Variants in AGBL4 observed in about 807,000 individuals in gnomAD.
AGBL4 encodes the protein AGBL carboxypeptidase 4, also known as cytosolic carboxypeptidase 6.
In AGBL4, 58 loss-of-function variants were observed where a neutral mutation model predicts 66.4. The observed-to-expected ratio is 0.87, with a 90% CI of 0.71 to 1.09. The LOEUF (loss-of-function observed/expected upper bound fraction) is 1.09, where lower values mean the gene tolerates loss of function less well. AGBL4 is among the 50% of genes least tolerant of loss of function. The probability of loss-of-function intolerance (pLI) is 0.00; values close to 1 mark genes in which losing one functional copy is unlikely to be tolerated. For synonymous variants in AGBL4, 234 were observed against 222.9 expected, an observed-to-expected ratio of 1.05 and a Z score of -0.44; for missense variants, 579 against 631.0, an observed-to-expected ratio of 0.92 and a Z score of 0.88.
chr1:49,498,254 C>A (rs1484922546), intron 3 of AGBL4, among the ~76,000 whole-genome samples: 6 of 151,818 alleles, frequency 4.0e-5, no homozygotes. Flanking sequence ...GTTTATCAGA[C>A]CTCACAGTTT....
intron 6 of AGBL4, among the ~76,000 whole-genome samples, chr1:48,725,227 GGTCT>G (rs1486315996): frequency 6.6e-6 from 1 of 152,022 alleles, no homozygotes. Flanking sequence ...TTTTAATGAA[GGTCT>G]TCTAATGACT....
At chr1:49,315,966 A>G (rs1645032748) in intron 3 of AGBL4, among the ~76,000 whole-genome samples, 1 of 152,072 alleles carries the variant, frequency 6.6e-6, no homozygotes, top group African/African-American at 2.4e-5. Context: ...TTAAACACAT[A>G]AAAGAAATTT....
intron 2 of AGBL4, among the ~76,000 whole-genome samples, chr1:49,796,598 T>G (rs929242251): frequency 3.3e-5 from 5 of 151,362 alleles, no homozygotes; most frequent in Non-Finnish European, 7.4e-5. Context: ...TATAATAAAG[T>G]GAAAAGCACA....
At chr1:49,579,578 C>A (rs896873913) in intron 3 of AGBL4, among the ~76,000 whole-genome samples, 1 of 152,166 alleles carries the variant, frequency 6.6e-6, no homozygotes. Flanking sequence ...TGGCTCACTG[C>A]AAGCTCCACC....
chr1:49,647,617 G>C (rs1261499324), intron 3 of AGBL4, among the ~76,000 whole-genome samples: 2 of 152,084 alleles, frequency 1.3e-5, no homozygotes, highest in East Asian at 1.9e-4. Context: ...TCCAGGCAGG[G>C]GGAGGGTGAA....
intron 3 of AGBL4, among the ~76,000 whole-genome samples, chr1:49,336,746 C>T (rs1045545925): frequency 6.6e-6 from 1 of 152,130 alleles, no homozygotes; most frequent in Non-Finnish European, 1.5e-5. Context: ...TTATCATCTT[C>T]TTCTATTAGA....
At chr1:49,395,533 AGTGTGTGT>A (rs149386987) in intron 3 of AGBL4, among the ~76,000 whole-genome samples, 44 of 139,404 alleles carry the variant, frequency 3.2e-4, no homozygotes, top group African/African-American at 8.7e-4. Flanking sequence ...GCCAAACACT[AGTGTGTGT>A]GTGTGTGTGT....
intron 4 of AGBL4, among the ~76,000 whole-genome samples, chr1:49,240,873 C>G (rs2148319490): frequency 6.6e-6 from 1 of 152,024 alleles, no homozygotes; most frequent in Admixed American, 6.6e-5. Flanking sequence ...CATCATCTCC[C>G]TTATCCAGCC....
At chr1:49,084,943 G>A (rs1644877922) in intron 4 of AGBL4, among the ~76,000 whole-genome samples, 1 of 152,044 alleles carries the variant, frequency 6.6e-6, no homozygotes, top group African/African-American at 2.4e-5. Context: ...TACCTACTAT[G>A]AATTTCAAGG....
At chr1:48,686,999 G>A (rs369632881) in intron 6 of AGBL4, among the ~76,000 whole-genome samples, 258 of 151,586 alleles carry the variant, frequency 1.7e-3, no homozygotes, top group African/African-American at 5.9e-3. Context: ...GTCAGTACCA[G>A]GTAATACTTG....
chr1:49,207,198 G>C (rs1453829577), intron 4 of AGBL4, among the ~76,000 whole-genome samples: 1 of 152,070 alleles, frequency 6.6e-6, no homozygotes, highest in Non-Finnish European at 1.5e-5. Context: ...CCTGTCATTG[G>C]AAGTCTATCA....
intron 6 of AGBL4, among the ~76,000 whole-genome samples, chr1:48,728,908 T>C (rs931002253): frequency 3.3e-5 from 5 of 152,196 alleles, no homozygotes; most frequent in African/African-American, 1.2e-4. Flanking sequence ...AAGTAGTGTC[T>C]CACTGCTGTG....
intron 5 of AGBL4, among the ~76,000 whole-genome samples, chr1:48,943,429 T>G (rs937842449): frequency 6.6e-6 from 1 of 152,202 alleles, no homozygotes; most frequent in Non-Finnish European, 1.5e-5. Flanking sequence ...GGTTGAGATC[T>G]TTCAAGACTA....
At chr1:49,542,592 T>C (rs1336807097) in intron 3 of AGBL4, among the ~76,000 whole-genome samples, 2 of 152,180 alleles carry the variant, frequency 1.3e-5, no homozygotes, top group African/African-American at 4.8e-5. Context: ...AAAGCTAATG[T>C]TACTTACTTA....
intron 3 of AGBL4, among the ~76,000 whole-genome samples, chr1:49,271,821 C>G (rs1000298717): frequency 6.6e-6 from 1 of 152,092 alleles, no homozygotes. Flanking sequence ...ATTTGTGGGG[C>G]CTTCTATTTT....
At chr1:49,335,395 T>A (rs1645413428) in intron 3 of AGBL4, among the ~76,000 whole-genome samples, 1 of 152,238 alleles carries the variant, frequency 6.6e-6, no homozygotes, top group African/African-American at 2.4e-5. Context: ...TTTCTGTATA[T>A]AATTCATTCT....
At chr1:48,697,412 C>T in intron 6 of AGBL4, among the ~76,000 whole-genome samples, 1 of 152,162 alleles carries the variant, frequency 6.6e-6, no homozygotes, top group East Asian at 1.9e-4. Context: ...CTCTAGGTCT[C>T]ACTTAATCTA....
At chr1:49,750,645 T>C (rs1386687048) in intron 2 of AGBL4, among the ~76,000 whole-genome samples, 7 of 152,240 alleles carry the variant, frequency 4.6e-5, no homozygotes, top group Non-Finnish European at 1.0e-4. Flanking sequence ...GGTAACTTGA[T>C]GGGAATGGCA....
intron 1 of AGBL4, among the ~76,000 whole-genome samples, chr1:50,014,518 C>T (rs1362440931): frequency 6.7e-6 from 1 of 150,346 alleles, no homozygotes; most frequent in Non-Finnish European, 1.5e-5. Flanking sequence ...GACCTCATAA[C>T]TAATGAACAG....
Sources: allele counts gnomAD v4.1 joint callset (sites outside exome capture counted in the v4.1 genomes callset), GRCh38; gene constraint gnomAD v4.1.1; transcripts MANE v1.5; gene names NCBI Gene and HGNC (gene_info 2026-07-23, HGNC 2026-07-21).